The following RCC1 variants were observed in gnomAD, a reference collection of about 807,000 sequenced individuals.
RCC1 encodes the protein regulator of chromosome condensation.
In RCC1, 11 loss-of-function variants were observed where a neutral mutation model predicts 44.4. The observed-to-expected ratio is 0.25, with a 90% confidence interval of 0.16 to 0.41. The LOEUF is 0.41. Ranked by LOEUF, RCC1 falls within the 10% of genes least tolerant of loss-of-function variation. RCC1 has a pLI of 1.00. For missense variants in RCC1, 386 were observed against 547.1 expected (o/e 0.71, Z 2.94); for synonymous variants, 213 against 216.5 (o/e 0.98, Z 0.14).
In RCC1 at chr1:28,535,379, C is replaced by G. The variant is rs778491374; in HGVS notation, c.660C>G (p.Leu220=). The G allele has an allele frequency of 6.2e-7, 1 of 1,613,948 alleles. No homozygotes were observed. Among genetic ancestry groups the G allele is most frequent in the South Asian group, 1.1e-5 (1 of 91,038 alleles). ...CCAACCGTGGTGGCCGGCAAGGCCT[C>G]GGTAAGTGGCCTTGGTACCTCCAGC... ...LFANRGGRQG[L]ERLLVPKCVM... The change falls in exon 9 of 13, where the codon CTC becomes CTG. Residue 220 remains leucine, a splice_region_variant and synonymous_variant. Coordinates refer to ENST00000683442, the MANE Select transcript of RCC1 (RefSeq NM_001381865.2).
intron 4 of RCC1, among the ~76,000 whole-genome samples, chr1:28,520,281 G>A (rs776549776): frequency 1.2e-4 from 19 of 152,158 alleles, no homozygotes; most frequent in Non-Finnish European, 2.2e-4. Flanking sequence ...TGTGGGGGAC[G>A]GAGGGCACAG....
intron 3 of RCC1, among the ~76,000 whole-genome samples, chr1:28,516,090 G>A (rs1441950801): frequency 6.6e-6 from 1 of 152,024 alleles, no homozygotes; most frequent in East Asian, 1.9e-4. Flanking sequence ...GGCTGAAGCA[G>A]GAGAATTGCT....
At chr1:28,534,023 A>G (rs1664382717) in intron 7 of RCC1, among the ~76,000 whole-genome samples, 1 of 149,112 alleles carries the variant, frequency 6.7e-6, no homozygotes, top group Admixed American at 6.7e-5. Flanking sequence ...GATTACAGGC[A>G]TGCGCCACCA....
At chr1:28,529,744 G>A (rs1161696704) in intron 4 of RCC1, 114 bp from the exon 5 acceptor site, 4 of 759,314 alleles carry the variant, frequency 5.3e-6, no homozygotes, top group African/African-American at 5.2e-5. Flanking sequence ...TTTGAGAAGT[G>A]GAATTGTTGG....
intron 4 of RCC1, chr1:28,519,085 C>T (rs531528502): frequency 2.0e-5 from 3 of 152,534 alleles, no homozygotes; most frequent in East Asian, 1.9e-4. Flanking sequence ...GCCCAGGAGG[C>T]TCAGGGATGG....
At chr1:28,534,960 C>A in intron 7 of RCC1, 90 bp from the exon 8 acceptor site, 1 of 966,092 alleles carries the variant, frequency 1.0e-6, no homozygotes, top group Non-Finnish European at 1.7e-6. Flanking sequence ...GCCCACTTCT[C>A]CATCCCCATC....
At chr1:28,526,348 T>C in intron 4 of RCC1, 1 of 360,972 alleles carries the variant, frequency 2.8e-6, no homozygotes, top group Non-Finnish European at 5.4e-6. Context: ...GGGTCAATTA[T>C]GAAGAGACCT....
chr1:28,518,452 C>T (rs952155689), intron 4 of RCC1: 2 of 151,200 alleles, frequency 1.3e-5, no homozygotes, highest in African/African-American at 2.4e-5. Context: ...CACGTGAAGC[C>T]CGGAGGCAGG....
At position 28,531,879 on chromosome 1, in the gene RCC1, G is replaced by A. The variant is rs1664197898; in HGVS notation, c.150G>A (p.Leu50=). 6.2e-7 allele frequency: 1 copy of A among 1,606,448 alleles called. No homozygotes were observed. The highest frequency in any genetic ancestry group is 8.5e-7 in the Non-Finnish European group (1 of 1,176,342). ...AGGGCGACGTGGGCCAGCTGGGGCT[G>A]GGTGAGAATGTGATGGAGAGGAAGA... ...LGQGDVGQLG[L]GENVMERKKP... is the part of the protein sequence containing the mutation. Residue 50 remains leucine (L), a synonymous_variant, in exon 6 of 13, where the codon CTG becomes CTA. Coordinates refer to ENST00000683442, the MANE Select transcript of RCC1 (RefSeq NM_001381865.2).
At chr1:28,509,035 G>A (rs374848508) in intron 3 of RCC1, 130 bp downstream of exon 3, 7 of 378,850 alleles carry the variant, frequency 1.8e-5, no homozygotes, top group South Asian at 3.9e-5. Context: ...GTGCAGTGGC[G>A]CAATCTTGGC....
intron 3 of RCC1, chr1:28,509,692 G>A (rs529148692): frequency 1.3e-5 from 2 of 152,288 alleles, no homozygotes; most frequent in East Asian, 1.9e-4. Context: ...GAATCTGAAT[G>A]GTACTGTTGA....
chr1:28,523,463 T>C (rs1427668673), intron 4 of RCC1, among the ~76,000 whole-genome samples: 1 of 152,198 alleles, frequency 6.6e-6, no homozygotes, highest in Admixed American at 6.6e-5. Flanking sequence ...GGGATCATTG[T>C]GGCCAGCTTG....
At chr1:28,514,160 A>G (rs1228021401) in intron 3 of RCC1, among the ~76,000 whole-genome samples, 2 of 151,762 alleles carry the variant, frequency 1.3e-5, no homozygotes, top group African/African-American at 4.8e-5. Flanking sequence ...CCGTCTCAAA[A>G]AAAAAAAAGG....
intron 4 of RCC1, among the ~76,000 whole-genome samples, chr1:28,521,435 A>T (rs1663268250): frequency 6.8e-6 from 1 of 146,760 alleles, no homozygotes; most frequent in Admixed American, 7.0e-5. Context: ...TGGGAGGCGG[A>T]GCTTGCAGTG....
chr1:28,517,482 T>C (rs1662965809), intron 4 of RCC1, among the ~76,000 whole-genome samples: 1 of 152,178 alleles, frequency 6.6e-6, no homozygotes. Context: ...TAGGATGCTC[T>C]TGTAGCTCAT....
chr1:28,527,029 C>T lies in RCC1; in HGVS notation c.-9-2829C>T, dbSNP rs2840768. 9 of 821,030 alleles carry T rather than the reference C, an allele frequency of 1.1e-5. 1 individual carries two copies. The highest frequency in any genetic ancestry group is 1.0e-4 in the Admixed American group (6 of 58,520). 50.9% of individuals were successfully genotyped at this position (821,030 alleles called of 1,614,324 possible). On this transcript the variant is annotated intron_variant, in intron 4 of 12. Transcript: ENST00000683442. ...CTGTACCCTTAAAATAGGGCGCATGCTGGGTGACATCAGGTGCATGGTATG... is the reference window on the plus strand; with the variant it reads ...CTGTACCCTTAAAATAGGGCGCATGTTGGGTGACATCAGGTGCATGGTATG...
intron 3 of RCC1, among the ~76,000 whole-genome samples, chr1:28,515,487 T>A (rs1662841598): frequency 6.7e-6 from 1 of 150,150 alleles, no homozygotes; most frequent in Non-Finnish European, 1.5e-5. Flanking sequence ...GAGGCCGAGA[T>A]GGGTGGATCA....
intron 3 of RCC1, among the ~76,000 whole-genome samples, chr1:28,514,191 C>T (rs1662730779): frequency 6.6e-6 from 1 of 151,678 alleles, no homozygotes; most frequent in African/African-American, 2.4e-5. Flanking sequence ...TGGCTCACGC[C>T]TGTTATCCCA....
chr1:28,535,713 G>T, intron 9 of RCC1, 158 bp from the exon 10 acceptor site: 1 of 860,302 alleles, frequency 1.2e-6, no homozygotes, highest in Non-Finnish European at 1.9e-6. Context: ...CAAGGCACTT[G>T]TATTCTCTTG....
Sources: allele counts gnomAD v4.1 joint callset (sites outside exome capture counted in the v4.1 genomes callset), GRCh38; gene constraint gnomAD v4.1.1; transcripts MANE v1.5; gene names NCBI Gene and HGNC (gene_info 2026-07-23, HGNC 2026-07-21).